NRXN1: variants seen among roughly 807,000 people sequenced by gnomAD.
NRXN1 encodes the protein neurexin-1.
Under a neutral mutation model 150.9 loss-of-function variants are expected in NRXN1, and 39 were observed. The ratio of observed to expected loss-of-function variants is 0.26; its 90% CI spans 0.20 to 0.34. NRXN1 has a LOEUF of 0.34. Among genes scored for constraint, NRXN1 ranks in the 10% least tolerant of loss-of-function variants. NRXN1 has a pLI of 1.00. For missense variants in NRXN1, 1,815 were observed against 1,949.9 expected, an observed-to-expected ratio of 0.93 and a Z score of 1.30; for synonymous variants, 924 against 757.0, an observed-to-expected ratio of 1.22 and a Z score of -3.62.
intron 21 of NRXN1, among the ~76,000 whole-genome samples, chr2:49,979,916 T>C (rs918715735): frequency 2.0e-5 from 3 of 151,546 alleles, no homozygotes; most frequent in African/African-American, 4.8e-5. Context: ...GTTTTTTTTT[T>C]CTGCTACTGT....
chr2:50,240,175 T>G (rs1474866436), intron 17 of NRXN1, among the ~76,000 whole-genome samples: 1 of 151,710 alleles, frequency 6.6e-6, no homozygotes, highest in Non-Finnish European at 1.5e-5. Context: ...TAGAATGACT[T>G]TACAGTTTTT....
Position 50,461,800 on chromosome 2 carries a change from G to A in NRXN1, c.3364+3642C>T, listed in dbSNP as rs543900804. 2.0e-5 allele frequency among the ~76,000 whole-genome samples: 3 copies of A among 152,052 alleles called. No homozygotes were observed. The South Asian group carries it at 6.2e-4, about 32-fold the overall frequency. The stretch of plus-strand genomic sequence containing the variant: ...CAAAGGAAGTTTCCATGGGACAAAA[G>A]AGTTTTAGTAGAGATTGAAAAGGAA... On this transcript the variant is annotated intron_variant, in intron 17 of 22. Transcript: ENST00000401669.
intron 17 of NRXN1, among the ~76,000 whole-genome samples, chr2:50,420,962 CTGTGTGTGTGTGTGTGTG>C (rs4032055): frequency 2.3e-3 from 282 of 120,024 alleles, no homozygotes; most frequent in East Asian, 0.01. Context: ...CAAAATAGAC[CTGTGTGTGTGTGTGTGTG>C]TGTGTGTGTG....
intron 17 of NRXN1, chr2:50,312,898 T>A (rs1183783706): frequency 2.3e-6 from 1 of 437,998 alleles, no homozygotes; most frequent in Non-Finnish European, 4.6e-6. Context: ...CATAAGCAAC[T>A]TGTTAGGGCA....
chr2:50,711,028 A>G (rs1412259761), intron 5 of NRXN1, among the ~76,000 whole-genome samples: 1 of 152,188 alleles, frequency 6.6e-6, no homozygotes, highest in Non-Finnish European at 1.5e-5. Flanking sequence ...AATGACAACA[A>G]GCAAACAGAA....
intron 17 of NRXN1, among the ~76,000 whole-genome samples, chr2:50,367,385 C>A (rs1383507184): frequency 1.3e-5 from 2 of 151,966 alleles, no homozygotes; most frequent in African/African-American, 4.8e-5. Context: ...CACATCTTCC[C>A]AGGTAATACA....
At chr2:50,182,256 C>T (rs1452780199) in intron 18 of NRXN1, among the ~76,000 whole-genome samples, 1 of 151,790 alleles carries the variant, frequency 6.6e-6, no homozygotes, top group Non-Finnish European at 1.5e-5. Context: ...TTCTTCTCTC[C>T]TATTCTTTCC....
intron 18 of NRXN1, among the ~76,000 whole-genome samples, chr2:50,134,433 G>T (rs1706067917): frequency 6.6e-6 from 1 of 152,128 alleles, no homozygotes; most frequent in African/African-American, 2.4e-5. Flanking sequence ...TACAGTCAAT[G>T]TCTTGGCATG....
chr2:49,943,287 T>G (rs1210038209), intron 22 of NRXN1, among the ~76,000 whole-genome samples: 1 of 152,176 alleles, frequency 6.6e-6, no homozygotes. Context: ...TTAAGGTAAT[T>G]TGCTGGCAGA....
At chr2:49,934,792 T>C (rs1670731588) in intron 22 of NRXN1, among the ~76,000 whole-genome samples, 1 of 152,088 alleles carries the variant, frequency 6.6e-6, no homozygotes, top group African/African-American at 2.4e-5. Context: ...CCTTTCTCTC[T>C]CTCTCTCTTT....
intron 2 of NRXN1, among the ~76,000 whole-genome samples, chr2:50,932,100 T>A (rs190817097): frequency 6.6e-6 from 1 of 152,036 alleles, no homozygotes; most frequent in East Asian, 1.9e-4. Flanking sequence ...ATATTACTTA[T>A]AATCAGGCTG....
At chr2:50,597,648 C>T (rs1031847027) in intron 8 of NRXN1, among the ~76,000 whole-genome samples, 4 of 152,196 alleles carry the variant, frequency 2.6e-5, no homozygotes, top group Non-Finnish European at 5.9e-5. Context: ...CTTCTGAGAA[C>T]CTGTTCTGCA....
chr2:50,655,446 A>G (rs1686288086), intron 5 of NRXN1, among the ~76,000 whole-genome samples: 1 of 151,960 alleles, frequency 6.6e-6, no homozygotes, highest in Non-Finnish European at 1.5e-5. Context: ...GCTTTTGAGA[A>G]ACTCTGAGAA....
intron 5 of NRXN1, among the ~76,000 whole-genome samples, chr2:50,719,603 G>T (rs985635381): frequency 3.3e-5 from 5 of 152,040 alleles, no homozygotes; most frequent in African/African-American, 1.2e-4. Flanking sequence ...TTGAACCGGG[G>T]AGGCGGAGGT....
intron 5 of NRXN1, among the ~76,000 whole-genome samples, chr2:50,890,076 G>A (rs1266000891): frequency 2.0e-5 from 3 of 151,634 alleles, no homozygotes; most frequent in Admixed American, 6.6e-5. Flanking sequence ...TTAATATAGA[G>A]GCTTAGTTTT....
At chr2:50,609,494 T>C (rs1007903771) in intron 8 of NRXN1, among the ~76,000 whole-genome samples, 5 of 152,206 alleles carry the variant, frequency 3.3e-5, no homozygotes, top group Admixed American at 2.0e-4. Context: ...TATTACAATA[T>C]ACCAGGCACT....
At chr2:50,234,017 T>C (rs753169971) in intron 18 of NRXN1, among the ~76,000 whole-genome samples, 4 of 152,040 alleles carry the variant, frequency 2.6e-5, no homozygotes, top group Non-Finnish European at 4.4e-5. Context: ...CCTTTCTTTC[T>C]TTCTTCTTTC....
intron 5 of NRXN1, among the ~76,000 whole-genome samples, chr2:50,741,996 C>T (rs973641382): frequency 1.3e-5 from 2 of 152,046 alleles, no homozygotes; most frequent in Admixed American, 1.3e-4. Context: ...TTGGTGTTTA[C>T]TTGCCAACAA....
rs116777909 is a variant in NRXN1 at position 50,757,184 on chromosome 2, G to A, written c.833-133569C>T. ...TTAGTATCCAACTACAGAATTCCAC[G>A]GAAATTATAGAATCTTCAGTCCAGA... On this transcript the variant is annotated intron_variant, in intron 5 of 22. Coordinates refer to ENST00000401669, the MANE Select transcript of NRXN1 (RefSeq NM_001330078.2). Among the ~76,000 whole-genome samples the A allele has an allele frequency of 5.3e-3, 799 of 151,840 alleles. 8 individuals carry two copies. Among genetic ancestry groups the A allele is most frequent in the African/African-American group, 0.018 (728 of 41,452 alleles).
Sources: allele counts gnomAD v4.1 joint callset (sites outside exome capture counted in the v4.1 genomes callset), GRCh38; gene constraint gnomAD v4.1.1; transcripts MANE v1.5; gene names NCBI Gene and HGNC (gene_info 2026-07-23, HGNC 2026-07-21).